BAIAP3: variants seen among roughly 807,000 people sequenced by gnomAD.
The protein encoded by BAIAP3 is BAI1 associated protein 3, also known as BAI1-associated protein 3.
BAIAP3 carries 180 observed loss-of-function variants against 149.7 expected under a neutral mutation model. The observed-to-expected ratio is 1.20, with a 90% CI of 1.07 to 1.36. BAIAP3 has a LOEUF of 1.36. Among genes scored for constraint, BAIAP3 ranks in the 40% most tolerant of loss-of-function variants. The probability of loss-of-function intolerance (pLI) is 0.00; values close to 1 mark genes in which losing one functional copy is unlikely to be tolerated. For missense variants in BAIAP3, 1,767 were observed against 1,563.4 expected (o/e 1.13, Z -2.20); for synonymous variants, 845 against 670.7 (o/e 1.26, Z -4.02).
rs1272829670 is a variant in BAIAP3 at position 1,345,365 on chromosome 16, T to G, written c.2057T>G (p.Met686Arg). 2 of 1,611,806 alleles carry G rather than the reference T, an allele frequency of 1.2e-6. No homozygotes were observed. Among genetic ancestry groups the G allele is most frequent in the East Asian group, 2.2e-5 (1 of 44,862 alleles). The change falls in exon 22 of 34, where the codon ATG becomes AGG. Residue 686 changes from methionine (M) to arginine (R), a missense_variant. Met to Arg is a moderately conservative substitution (Grantham distance 91, BLOSUM62 -1). Coordinates refer to ENST00000426824, the MANE Select transcript of BAIAP3 (RefSeq NM_001199097.2). ...TGGAGGCTTCAGGGAGCCGTGGACA[T>G]GGACACGGTGACAGCTGCCCTGGCC... ...AKWRLQGAVDMDTLEPVDASS... is the reference protein window; with the variant it reads ...AKWRLQGAVDRDTLEPVDASS...
rs1415400520 is a variant in BAIAP3, at chr16:1,346,082, A to C, written c.2301+4A>C. On this transcript the variant is annotated splice_donor_region_variant and intron_variant, in intron 24 of 33. Transcript: ENST00000426824. ...CGGTGAAGCAGTGAGCGAGGCGGTG[A>C]GTGACCAGCTGGGGAGGGGAGCCGG... 1.2e-6 allele frequency: 2 copies of C among 1,609,940 alleles called. No homozygotes were observed.
Position 1,347,560 on chromosome 16 carries a change from C to T in BAIAP3, c.2839C>T (p.Leu947=). The T allele has an allele frequency of 6.2e-7, 1 of 1,610,282 alleles. No individual in the cohort carries two copies. The highest frequency in any genetic ancestry group is 1.3e-5 in the African/African-American group (1 of 75,002). ...CCCCCTGCAGAGGCTGAAGGAGGAG[C>T]TGCGGCTGCACAAATGTTCCACCCG... is the stretch of plus-strand genomic sequence containing the variant. The part of the protein sequence containing the change: ...DGSYKRLKEE[L]RLHKCSTREC... The change falls in exon 30 of 34, where the codon CTG becomes TTG. Residue 947 remains leucine, a synonymous_variant. Transcript: ENST00000426824.
In BAIAP3 at chr16:1,349,246, G is replaced by A; in HGVS notation, c.*764G>A. 1.5e-6 allele frequency: 1 copy of A among 678,542 alleles called. No individual in the cohort carries two copies. Among genetic ancestry groups the A allele is most frequent in the Non-Finnish European group, 2.6e-6 (1 of 385,036 alleles). 42.0% of individuals were successfully genotyped at this position (678,542 alleles called of 1,614,324 possible). ...AAACAGACTCACAAGGGGCTTCTTG[G>A]CCTGCAGCTTCATTTGCGAGAGCGC... On this transcript the variant is annotated 3_prime_UTR_variant, in exon 34 of 34. Transcript: ENST00000426824.
Position 1,348,833 on chromosome 16 carries a change from G to A in BAIAP3, c.*351G>A, listed in dbSNP as rs963386316. 12 of 417,402 alleles carry A rather than the reference G, an allele frequency of 2.9e-5. No individual in the cohort carries two copies. Among genetic ancestry groups the A allele is most frequent in the Non-Finnish European group, 4.9e-5 (11 of 226,202 alleles). The allele number at this position is 417,402 out of a possible 1,614,324, so 25.9% of individuals were successfully genotyped here. A position where few individuals can be genotyped will look rare whatever the true frequency, so the allele number is the denominator to read the frequency against. ...TGGGCGGTGGGCAGCTGGTCTCCAG[G>A]GACTCAGTGAGTGGCTGTGCTCTCT... On this transcript the variant is annotated 3_prime_UTR_variant, in exon 34 of 34. Transcript: ENST00000426824.
Position 1,342,030 on chromosome 16 carries a change from T to C in BAIAP3, c.821T>C (p.Leu274Pro), listed in dbSNP as rs758249260. 6.2e-7 allele frequency: 1 copy of C among 1,607,480 alleles called. No individual in the cohort carries two copies. The change falls in exon 10 of 34, where the codon CTG becomes CCG. Residue 274 changes from leucine to proline, a missense_variant. Leu to Pro is a moderately conservative substitution (Grantham distance 98, BLOSUM62 -3). Transcript: ENST00000426824. Reference protein sequence around the residue: ...DVSLVEACRKLNEVIGLKGMG... With the variant: ...DVSLVEACRKPNEVIGLKGMG... The stretch of plus-strand genomic sequence containing the variant: ...TCCCTGGTAGAAGCGTGCAGGAAGC[T>C]GAATGAAGTCATCGGCCTGAAGGGC...
chr16:1,342,705 G>T lies in BAIAP3; in HGVS notation c.1066-14G>T, dbSNP rs764078855. 6.2e-7 allele frequency: 1 copy of T among 1,612,074 alleles called. No homozygotes were observed. Among genetic ancestry groups the T allele is most frequent in the South Asian group, 1.1e-5 (1 of 91,050 alleles). On this transcript the variant is annotated splice_polypyrimidine_tract_variant and intron_variant, in intron 12 of 33. Coordinates refer to ENST00000426824, the MANE Select transcript of BAIAP3 (RefSeq NM_001199097.2). ...GGGGGCAGAGCTGGTGACTGGGTGG[G>T]CTCTGCGTTGCAGAGGGATACGGCC...
At chr16:1,344,893 A>G (rs763881179) in intron 20 of BAIAP3, 44 bp downstream of exon 20, 9 of 1,613,580 alleles carry the variant, frequency 5.6e-6, no homozygotes, top group Admixed American at 5.0e-5. Context: ...GGCATGGGGA[A>G]GTGGGCAGAT....
Position 1,347,583 on chromosome 16 carries a change from C to T in BAIAP3, c.2862C>T (p.Thr954=). 1 of 1,612,710 alleles carries T rather than the reference C, an allele frequency of 6.2e-7. No homozygotes were observed. Among genetic ancestry groups the T allele is most frequent in the Non-Finnish European group, 8.5e-7 (1 of 1,179,836 alleles). The change falls in exon 30 of 34, where the codon ACC becomes ACT. Residue 954 remains threonine (T), a synonymous_variant. Coordinates refer to ENST00000426824, the MANE Select transcript of BAIAP3 (RefSeq NM_001199097.2). ...AGCTGCGGCTGCACAAATGTTCCAC[C>T]CGCGAGTGCATCGAGCAGTTCTACC... ...KEELRLHKCS[T]RECIEQFYLD...
Position 1,339,842 on chromosome 16 carries a change from A to ATG in BAIAP3, c.408+239_408+240insTG, listed in dbSNP as rs1491550385. On this transcript the variant is annotated intron_variant, in intron 5 of 33. Coordinates refer to ENST00000426824, the MANE Select transcript of BAIAP3 (RefSeq NM_001199097.2). ...ACACACAGGCTGCAGGTGCACACAG[A>ATG]CACACGCACACAGGCTGCAGGTGCA... is the stretch of plus-strand genomic sequence containing the variant. 2.4e-3 allele frequency among the ~76,000 whole-genome samples: 289 copies of ATG among 122,236 alleles called. 11 individuals carry two copies. The highest frequency in any genetic ancestry group is 4.6e-3 in the Middle Eastern group (1 of 218). The allele number at this position is 122,236 out of a possible 152,430, so 80.2% of individuals were successfully genotyped here. A position where few individuals can be genotyped will look rare whatever the true frequency, so the allele number is the denominator to read the frequency against.
At chr16:1,342,304 G>C (rs1461992921) in intron 11 of BAIAP3, 21 bp downstream of exon 11, 2 of 1,607,118 alleles carry the variant, frequency 1.2e-6, no homozygotes, top group African/African-American at 2.7e-5. Flanking sequence ...GTGGGGTGGG[G>C]CTGGTGACAC....
rs201064433 is a variant in BAIAP3 at position 1,348,184 on chromosome 16, G to A, written c.3238G>A (p.Ala1080Thr). 39 of 1,609,224 alleles carry A rather than the reference G, an allele frequency of 2.4e-5. No individual in the cohort carries two copies. The South Asian group carries it at 2.6e-4, about 11-fold the overall frequency. ...CGACTGGCTGTCCACCAACGACTTCGCTGGGGAGGCGGCCCTCGGCCTAGG... is the reference window on the plus strand; with the variant it reads ...CGACTGGCTGTCCACCAACGACTTCACTGGGGAGGCGGCCCTCGGCCTAGG... The part of the protein sequence containing the change: ...DHDWLSTNDF[A>T]GEAALGLGGV... The change falls in exon 33 of 34, where the codon GCT becomes ACT. Residue 1080 changes from alanine (A) to threonine (T), a missense_variant. By Grantham distance (58) the Ala-to-Thr change is moderately conservative. Coordinates refer to ENST00000426824, the MANE Select transcript of BAIAP3 (RefSeq NM_001199097.2).
intron 28 of BAIAP3, 123 bp from the exon 29 acceptor site, chr16:1,347,175 A>T: frequency 9.2e-7 from 1 of 1,082,962 alleles, no homozygotes; most frequent in South Asian, 1.6e-5. Context: ...GGGTGTGAGA[A>T]AGGGCTCTGC....
chr16:1,333,804 C>G (rs1444395111), intron 1 of BAIAP3, 55 bp downstream of exon 1: 1 of 152,030 alleles, frequency 6.6e-6, no homozygotes, highest in Non-Finnish European at 1.5e-5. Context: ...GGCTCGGCCC[C>G]GCGCCCCAAC....
intron 5 of BAIAP3, among the ~76,000 whole-genome samples, chr16:1,340,428 T>C (rs13334037): frequency 0.1 from 5,174 of 50,260 alleles, 1,881 homozygotes; most frequent in Admixed American, 0.25. Flanking sequence ...GCTGCAGGTG[T>C]ACACAGACAT....
At position 1,348,159 on chromosome 16, in the gene BAIAP3, C is replaced by T. The variant is rs776373771; in HGVS notation, c.3213C>T (p.His1071=). 3.9e-5 allele frequency: 63 copies of T among 1,608,324 alleles called. No homozygotes were observed. The Middle Eastern group carries it at 4.9e-4, about 13-fold the overall frequency. ...GTGTGTTGTTCACCGTCATGGACCACGACTGGCTGTCCACCAACGACTTCG... is the reference window on the plus strand; with the variant it reads ...GTGTGTTGTTCACCGTCATGGACCATGACTGGCTGTCCACCAACGACTTCG... ...AACVLFTVMD[H]DWLSTNDFAG... The change falls in exon 33 of 34, where the codon CAC becomes CAT. Residue 1071 remains histidine (H), a synonymous_variant. Coordinates refer to ENST00000426824, the MANE Select transcript of BAIAP3 (RefSeq NM_001199097.2).
chr16:1,346,804 G>A (rs780378501), intron 27 of BAIAP3, 43 bp from the exon 28 acceptor site: 3 of 377,534 alleles, frequency 7.9e-6, no homozygotes, highest in Non-Finnish European at 7.9e-6. Context: ...GGGGCCAGCG[G>A]GGCAGGTGGG....
chr16:1,341,858 G>A lies in BAIAP3; in HGVS notation c.768G>A (p.Leu256=). ...ATGTGAGCACGGACCAGCTGCACCT[G>A]GACATCTGGTACAGGCCCCTGCGCC... ...IEDVSTDQLH[L]DIWDHDDDVS... is the part of the protein sequence containing the mutation. Residue 256 remains leucine, a synonymous_variant, in exon 9 of 34, where the codon CTG becomes CTA. Transcript: ENST00000426824. 2 of 1,612,254 alleles carry A rather than the reference G, an allele frequency of 1.2e-6. No homozygotes were observed. The highest frequency in any genetic ancestry group is 2.2e-5 in the East Asian group (1 of 44,884).
At chr16:1,343,347 G>A (rs1464601989) in intron 14 of BAIAP3, 46 bp from the exon 15 acceptor site, 1 of 1,562,312 alleles carries the variant, frequency 6.4e-7, no homozygotes, top group South Asian at 1.2e-5. Flanking sequence ...AGTGGGCATG[G>A]CAGGGGCGGG....
rs542377512 is a variant in BAIAP3 at position 1,334,802 on chromosome 16, G to A, written c.-11+1053G>A. ...CTGCGGGAAACCCCCAGGGCCTGGT[G>A]AAGGGGAGTCGGGGGGCTGAGGGAG... On this transcript the variant is annotated intron_variant, in intron 1 of 33. Coordinates refer to ENST00000426824, the MANE Select transcript of BAIAP3 (RefSeq NM_001199097.2). The A allele has an allele frequency of 1.0e-4, 154 of 1,505,480 alleles. 1 individual carries two copies. In the African/African-American group the frequency reaches 1.8e-3, roughly 18 times the overall value. The allele number at this position is 1,505,480 out of a possible 1,614,324, so 93.3% of individuals were successfully genotyped here.
Sources: allele counts gnomAD v4.1 joint callset (sites outside exome capture counted in the v4.1 genomes callset), GRCh38; gene constraint gnomAD v4.1.1; transcripts MANE v1.5; gene names NCBI Gene and HGNC (gene_info 2026-07-23, HGNC 2026-07-21).